Variants in NUBPL observed in about 807,000 individuals in gnomAD.
The protein encoded by NUBPL is NUBP iron-sulfur cluster assembly factor, mitochondrial.
Under a neutral mutation model 45.7 loss-of-function variants are expected in NUBPL, and 31 were observed. The observed-to-expected ratio is 0.68, with a 90% confidence interval of 0.51 to 0.92. The LOEUF (loss-of-function observed/expected upper bound fraction) is 0.92, where lower values mean the gene tolerates loss of function less well. NUBPL is among the 40% of genes least tolerant of loss of function. The pLI is 0.00. For synonymous variants in NUBPL, 144 were observed against 140.9 expected (o/e 1.02, Z -0.15); for missense variants, 401 against 398.7 (o/e 1.01, Z -0.05).
At chr14:31,719,692 C>A (rs1383088449) in intron 6 of NUBPL, among the ~76,000 whole-genome samples, 1 of 151,744 alleles carries the variant, frequency 6.6e-6, no homozygotes, top group African/African-American at 2.4e-5. Context: ...AAGTCTTATA[C>A]TTGTGGTATA....
At chr14:31,832,307 G>T (rs1433211282) in intron 8 of NUBPL, among the ~76,000 whole-genome samples, 3 of 152,178 alleles carry the variant, frequency 2.0e-5, no homozygotes, top group African/African-American at 7.2e-5. Context: ...AAGGGGAAAT[G>T]AATGTAATTG....
intron 4 of NUBPL, among the ~76,000 whole-genome samples, chr14:31,667,275 T>C (rs2036456012): frequency 6.6e-6 from 1 of 152,032 alleles, no homozygotes; most frequent in Non-Finnish European, 1.5e-5. Flanking sequence ...TGTAATCTTG[T>C]CTTCAAGCTT....
chr14:31,595,525 G>C (rs936025924), intron 3 of NUBPL, among the ~76,000 whole-genome samples: 2 of 152,232 alleles, frequency 1.3e-5, no homozygotes, highest in Admixed American at 6.5e-5. Flanking sequence ...GAGCTTTCTT[G>C]AGTAAATAAA....
chr14:31,692,446 C>A (rs187735193), intron 6 of NUBPL, among the ~76,000 whole-genome samples: 1 of 152,220 alleles, frequency 6.6e-6, no homozygotes, highest in East Asian at 1.9e-4. Flanking sequence ...ACTGTGATGT[C>A]AGCACCTGCT....
intron 3 of NUBPL, among the ~76,000 whole-genome samples, chr14:31,589,632 G>T (rs1294820749): frequency 6.6e-6 from 1 of 151,954 alleles, no homozygotes; most frequent in Non-Finnish European, 1.5e-5. Flanking sequence ...CTTCTATTAG[G>T]TATTTTTCCT....
intron 6 of NUBPL, among the ~76,000 whole-genome samples, chr14:31,771,051 A>G (rs1183214727): frequency 2.6e-5 from 4 of 152,128 alleles, no homozygotes; most frequent in Non-Finnish European, 5.9e-5. Flanking sequence ...TTTATAGGTT[A>G]TTTACTTTGA....
intron 4 of NUBPL, among the ~76,000 whole-genome samples, chr14:31,635,166 T>C (rs907626620): frequency 1.3e-5 from 2 of 151,054 alleles, no homozygotes; most frequent in African/African-American, 2.4e-5. Flanking sequence ...TCCTTGCCCA[T>C]GCCTGTGTCC....
rs116292741 is a variant in NUBPL, at chr14:31,607,676, A to G, written c.382+8297A>G. 7.9e-3 allele frequency among the ~76,000 whole-genome samples: 1,199 copies of G among 152,190 alleles called. 14 individuals are homozygous for G. The highest frequency in any genetic ancestry group is 0.027 in the African/African-American group (1,111 of 41,538). ...GAACTTGAAGACAGACTATTTGAAA[A>G]TATATAGTCAGAGGAGACAAAAGAA... On this transcript the variant is annotated intron_variant, in intron 4 of 10. Transcript: ENST00000281081.
At chr14:31,613,463 T>C (rs574612732) in intron 4 of NUBPL, among the ~76,000 whole-genome samples, 34 of 152,242 alleles carry the variant, frequency 2.2e-4, no homozygotes, top group Admixed American at 3.9e-4. Context: ...TGGATTTTTT[T>C]TTTTTTGAGG....
intron 3 of NUBPL, among the ~76,000 whole-genome samples, chr14:31,583,167 G>A (rs957183331): frequency 7.2e-5 from 11 of 152,200 alleles, no homozygotes; most frequent in Admixed American, 3.3e-4. Context: ...CTTATGAAAC[G>A]CTGCAGGAAA....
At position 31,831,420 on chromosome 14, in the gene NUBPL, A is replaced by G. The variant is rs185187422; in HGVS notation, c.693+4706A>G. Among the ~76,000 whole-genome samples, 118 of 150,364 alleles carry G rather than the reference A, an allele frequency of 7.8e-4. No homozygotes were observed. The Middle Eastern group carries it at 0.014, about 18-fold the overall frequency. On this transcript the variant is annotated intron_variant, in intron 8 of 10. Transcript: ENST00000281081. ...TTACTCCTTTTCTAACTGTTTTCACATTTGTCAGTACTTTCACATTAGCAT... is the reference window on the plus strand; with the variant it reads ...TTACTCCTTTTCTAACTGTTTTCACGTTTGTCAGTACTTTCACATTAGCAT...
At chr14:31,585,238 TA>T (rs372827052) in intron 3 of NUBPL, among the ~76,000 whole-genome samples, 5,557 of 152,100 alleles carry the variant, frequency 0.037, 133 homozygotes, top group African/African-American at 0.077. Flanking sequence ...TTGATGAACT[TA>T]AAAAAAATCA....
chr14:31,608,864 G>C (rs1304115178), intron 4 of NUBPL, among the ~76,000 whole-genome samples: 2 of 152,006 alleles, frequency 1.3e-5, no homozygotes, highest in Admixed American at 1.3e-4. Context: ...TGGGGGTTGG[G>C]GACCCCTGGG....
At chr14:31,712,229 A>T (rs1378766889) in intron 6 of NUBPL, among the ~76,000 whole-genome samples, 1 of 152,206 alleles carries the variant, frequency 6.6e-6, no homozygotes, top group African/African-American at 2.4e-5. Flanking sequence ...TTAGCTAGAC[A>T]CAGAGCGCTG....
At chr14:31,744,601 G>A (rs1171049924) in intron 6 of NUBPL, among the ~76,000 whole-genome samples, 2 of 146,402 alleles carry the variant, frequency 1.4e-5, no homozygotes, top group Non-Finnish European at 3.0e-5. Flanking sequence ...ACATTATATT[G>A]AAAGATTTGT....
intron 8 of NUBPL, among the ~76,000 whole-genome samples, chr14:31,827,864 A>G (rs572096197): frequency 7.4e-4 from 113 of 152,220 alleles, no homozygotes; most frequent in Non-Finnish European, 1.2e-3. Flanking sequence ...ATAAATGTTT[A>G]TCTCTCAGAG....
intron 6 of NUBPL, among the ~76,000 whole-genome samples, chr14:31,774,226 C>G (rs1326965407): frequency 6.6e-6 from 1 of 152,200 alleles, no homozygotes; most frequent in Admixed American, 6.5e-5. Flanking sequence ...AATAGAATGG[C>G]TGGGATATTC....
intron 4 of NUBPL, among the ~76,000 whole-genome samples, chr14:31,655,832 CAG>C (rs1422304732): frequency 6.6e-6 from 1 of 152,172 alleles, no homozygotes; most frequent in Admixed American, 6.5e-5. Flanking sequence ...TCAAAATGGT[CAG>C]TGAATATTGG....
chr14:31,577,815 G>A (rs2033755524), intron 3 of NUBPL: 1 of 206,526 alleles, frequency 4.8e-6, no homozygotes, highest in Non-Finnish European at 8.5e-6. Flanking sequence ...TGCCTTCTTT[G>A]CCCAGCTCCT....
Sources: gnomAD v4.1 joint callset for allele counts (sites outside exome capture counted in the v4.1 genomes callset) on GRCh38, gnomAD v4.1.1 for gene constraint, MANE v1.5 for transcripts, NCBI Gene and HGNC (gene_info 2026-07-23, HGNC 2026-07-21) for gene names.